PABPC1: variants seen among roughly 807,000 people sequenced by gnomAD.
PABPC1 encodes poly(A) binding protein cytoplasmic 1.
Under a neutral mutation model 74.0 loss-of-function variants are expected in PABPC1, and 4 were observed. The observed-to-expected ratio is 0.05, with a 90% confidence interval of 0.03 to 0.12. The LOEUF is 0.12. PABPC1 is among the 10% of genes least tolerant of loss of function. The pLI is 1.00. For synonymous variants in PABPC1, 227 were observed against 264.1 expected, an observed-to-expected ratio of 0.86 and a Z score of 1.36; for missense variants, 271 against 821.1, an observed-to-expected ratio of 0.33 and a Z score of 8.19.
At chr8:100,713,468 C>A (rs950067184) in intron 4 of PABPC1, among the ~76,000 whole-genome samples, 1 of 152,128 alleles carries the variant, frequency 6.6e-6, no homozygotes, top group Admixed American at 6.6e-5. Context: ...AAAAGAGTTG[C>A]ATTTTTTACC....
At chr8:100,717,660 T>G (rs1810706705) in intron 3 of PABPC1, 113 bp downstream of exon 3, 3 of 653,448 alleles carry the variant, frequency 4.6e-6, no homozygotes, top group Non-Finnish European at 7.9e-6. Context: ...TTTTTATTCT[T>G]TTATCTTATG....
intron 3 of PABPC1, among the ~76,000 whole-genome samples, chr8:100,715,871 A>T (rs1455726865): frequency 6.6e-6 from 1 of 152,204 alleles, no homozygotes; most frequent in African/African-American, 2.4e-5. Context: ...GATCACTCCC[A>T]TCAATACAAA....
rs1272352541 is a variant in PABPC1 at position 100,721,723 on chromosome 8, A to G, written c.-140T>C. ...GGGACAAAAATCAACCGGAATTGAAAACTACTCAACGGCCGCAGAACGGGG... is the reference window on the plus strand; with the variant it reads ...GGGACAAAAATCAACCGGAATTGAAGACTACTCAACGGCCGCAGAACGGGG... On this transcript the variant is annotated 5_prime_UTR_variant, in exon 1 of 15. Transcript: ENST00000318607. The surrounding 1 kb of genome is among the most constrained non-coding windows in gnomAD (Gnocchi z 7.4). 6 of 682,072 alleles carry G rather than the reference A, an allele frequency of 8.8e-6. No individual in the cohort carries two copies. Among genetic ancestry groups the G allele is most frequent in the Admixed American group, 3.5e-5 (1 of 28,624 alleles). 42.3% of individuals were successfully genotyped at this position (682,072 alleles called of 1,614,324 possible).
At chr8:100,711,827 T>C (rs888211149) in intron 7 of PABPC1, among the ~76,000 whole-genome samples, 6 of 152,224 alleles carry the variant, frequency 3.9e-5, no homozygotes, top group Non-Finnish European at 8.8e-5. Flanking sequence ...CAAAATTATG[T>C]ATGCACAAAA....
chr8:100,707,432 A>G (rs777073105), intron 9 of PABPC1, among the ~76,000 whole-genome samples: 5 of 152,158 alleles, frequency 3.3e-5, no homozygotes, highest in South Asian at 2.1e-4. Context: ...GTCATCTCCA[A>G]TGATAGGTAA....
chr8:100,712,332 C>A, intron 7 of PABPC1, 30 bp downstream of exon 7: 1 of 1,310,136 alleles, frequency 7.6e-7, no homozygotes, highest in Non-Finnish European at 1.1e-6. Context: ...TTTACTAGAC[C>A]TCAAATAAAT....
rs550578111 is a variant in PABPC1 at position 100,721,324 on chromosome 8, CCCG to C, written c.193+64_193+66del. 2.5e-4 allele frequency: 236 copies of C among 945,190 alleles called. No homozygotes were observed. The highest frequency in any genetic ancestry group is 3.6e-4 in the East Asian group (6 of 16,874). 58.6% of individuals were successfully genotyped at this position (945,190 alleles called of 1,614,324 possible). On this transcript the variant is annotated intron_variant, in intron 1 of 14. Coordinates refer to ENST00000318607, the MANE Select transcript of PABPC1 (RefSeq NM_002568.4). This position sits in a 1 kb window ranked among gnomAD's most constrained non-coding sequence, Gnocchi z 7.4. ...TCCCCGGGCCCGCCGGCCTACCCCG[CCCG>C]CCGCCGCCGCCCGAGCCTCATGGCC...
chr8:100,718,957 C>T lies in PABPC1; in HGVS notation c.194-677G>A, dbSNP rs533255544. Among the ~76,000 whole-genome samples, 9 of 152,264 alleles carry T rather than the reference C, an allele frequency of 5.9e-5. No individual in the cohort carries two copies. The South Asian group carries it at 1.0e-3, about 18-fold the overall frequency. ...TTTCATAATCACAGAATTTTAAAAACACCAGGTCTGCAATATTCAGAAATC... is the reference window on the plus strand; with the variant it reads ...TTTCATAATCACAGAATTTTAAAAATACCAGGTCTGCAATATTCAGAAATC... On this transcript the variant is annotated intron_variant, in intron 1 of 14. Transcript: ENST00000318607.
intron 1 of PABPC1, among the ~76,000 whole-genome samples, chr8:100,719,599 T>C (rs571818572): frequency 6.6e-6 from 1 of 152,324 alleles, no homozygotes; most frequent in Non-Finnish European, 1.5e-5. Flanking sequence ...GCCATATTCT[T>C]TTCAGTAGTT....
intron 1 of PABPC1, among the ~76,000 whole-genome samples, chr8:100,719,641 T>C (rs942954980): frequency 3.9e-5 from 6 of 152,188 alleles, no homozygotes; most frequent in African/African-American, 1.4e-4. Context: ...AGACTGATAA[T>C]ATATACTGTA....
chr8:100,716,390 C>T (rs181355432), intron 3 of PABPC1, among the ~76,000 whole-genome samples: 1 of 152,088 alleles, frequency 6.6e-6, no homozygotes, highest in East Asian at 1.9e-4. Context: ...GAGAGCAAGA[C>T]CATGTCTCAA....
At chr8:100,712,563 A>G in intron 6 of PABPC1, 89 bp downstream of exon 6, 1 of 1,515,218 alleles carries the variant, frequency 6.6e-7, no homozygotes, top group Non-Finnish European at 9.0e-7. Flanking sequence ...CCCCTCTCAA[A>G]CCCTCCAGCT....
intron 7 of PABPC1, among the ~76,000 whole-genome samples, chr8:100,711,286 CA>C (rs1035813248): frequency 8.4e-5 from 12 of 143,076 alleles, no homozygotes; most frequent in African/African-American, 2.1e-4. Context: ...TTAAAAAAGA[CA>C]AAAAAAAAAC....
At chr8:100,720,446 T>C (rs1009892879) in intron 1 of PABPC1, among the ~76,000 whole-genome samples, 7 of 152,226 alleles carry the variant, frequency 4.6e-5, no homozygotes, top group African/African-American at 1.4e-4. Context: ...CTTGAACTTC[T>C]TGCATGCTAC....
chr8:100,704,296 C>CT lies in PABPC1; in HGVS notation c.*1dup, dbSNP rs1810324800. On this transcript the variant is annotated splice_region_variant and 3_prime_UTR_variant. Coordinates refer to ENST00000318607, the MANE Select transcript of PABPC1 (RefSeq NM_002568.4). ...ACAACAAACCAGAGGGAAAAGCTCA[C>CT]TTTAAACAGTTGGAACACCGGTGGC... The CT allele has an allele frequency of 6.2e-7, 1 of 1,611,004 alleles. No individual in the cohort carries two copies. The highest frequency in any genetic ancestry group is 8.5e-7 in the Non-Finnish European group (1 of 1,177,258).
At chr8:100,713,036 G>T in intron 5 of PABPC1, 51 bp downstream of exon 5, 1 of 1,297,242 alleles carries the variant, frequency 7.7e-7, no homozygotes, top group Non-Finnish European at 1.1e-6. Context: ...TTCAACACAA[G>T]AGCAACTCAA....
chr8:100,710,647 G>A (rs758008937), intron 7 of PABPC1, among the ~76,000 whole-genome samples: 10 of 152,162 alleles, frequency 6.6e-5, no homozygotes, highest in Non-Finnish European at 1.3e-4. Flanking sequence ...CACACACAAA[G>A]TGAGGTCTAT....
At chr8:100,711,404 G>C (rs1810524406) in intron 7 of PABPC1, among the ~76,000 whole-genome samples, 1 of 152,248 alleles carries the variant, frequency 6.6e-6, no homozygotes, top group South Asian at 2.1e-4. Context: ...CCCAGGAAAG[G>C]CTGAGGCTGC....
rs1346605718 is a variant in PABPC1, at chr8:100,715,548, C to G, written c.557G>C (p.Arg186Thr). ...RKEREAELGA[R>T]AKEFTNVYIK... ...GTAAACATTGGTGAATTCTTTTGCC[C>G]TAGCTCCAAGTTCAGCTTCTCGTTC... is the stretch of plus-strand genomic sequence containing the variant. Residue 186 changes from arginine to threonine, a missense_variant, in exon 4 of 15, where the codon AGG (arginine) becomes ACG (threonine). Transcript: ENST00000318607. 6.2e-7 allele frequency: 1 copy of G among 1,613,058 alleles called. No individual in the cohort carries two copies. The highest frequency in any genetic ancestry group is 8.5e-7 in the Non-Finnish European group (1 of 1,179,356).
Sources: allele counts gnomAD v4.1 joint callset (sites outside exome capture counted in the v4.1 genomes callset), GRCh38; gene constraint gnomAD v4.1.1; non-coding constraint Gnocchi (gnomAD v3.1); transcripts MANE v1.5; gene names NCBI Gene and HGNC (gene_info 2026-07-23, HGNC 2026-07-21).